RAPGEF5: variants seen among roughly 807,000 people sequenced by gnomAD.
RAPGEF5 encodes M-Ras-regulated GEF.
RAPGEF5 carries 65 observed loss-of-function variants against 125.2 expected under a neutral mutation model. That is an observed-to-expected ratio of 0.52 (90% CI 0.43 to 0.64). The LOEUF (loss-of-function observed/expected upper bound fraction) is 0.64, where lower values mean the gene tolerates loss of function less well. RAPGEF5 is among the 30% of genes least tolerant of loss of function. The pLI is 0.00. For missense variants in RAPGEF5, 958 were observed against 1,048.1 expected (o/e 0.91, Z 1.19); for synonymous variants, 391 against 385.9 (o/e 1.01, Z -0.16).
intron 1 of RAPGEF5, among the ~76,000 whole-genome samples, chr7:22,333,207 T>C (rs1783955711): frequency 6.6e-6 from 1 of 152,180 alleles, no homozygotes; most frequent in Admixed American, 6.5e-5. Flanking sequence ...AGTAGATAAA[T>C]ATTTAAGTAT....
intron 1 of RAPGEF5, among the ~76,000 whole-genome samples, chr7:22,353,802 G>A (rs1161391526): frequency 2.0e-5 from 3 of 152,110 alleles, no homozygotes; most frequent in African/African-American, 7.2e-5. Context: ...AGAAGTGACT[G>A]AACTGAGGAA....
chr7:22,151,532 G>A (rs1386808236), intron 17 of RAPGEF5, among the ~76,000 whole-genome samples: 5 of 147,630 alleles, frequency 3.4e-5, no homozygotes, highest in Non-Finnish European at 5.9e-5. Context: ...TGTGATCTCG[G>A]CTCACCGCAA....
chr7:22,356,032 G>A, intron 1 of RAPGEF5: 2 of 985,436 alleles, frequency 2.0e-6, no homozygotes, highest in Non-Finnish European at 2.4e-6. Context: ...TCAGCTCTGT[G>A]TCCTGAGGCC....
intron 1 of RAPGEF5, among the ~76,000 whole-genome samples, chr7:22,345,588 AAAGCATTATATAAAC>A (rs1784207812): frequency 6.6e-6 from 1 of 152,198 alleles, no homozygotes; most frequent in Non-Finnish European, 1.5e-5. Flanking sequence ...TTGTGAAGGT[AAAGCATTATATAAAC>A]CACGACAGAG....
intron 7 of RAPGEF5, among the ~76,000 whole-genome samples, chr7:22,264,608 G>C (rs1047890646): frequency 1.3e-5 from 2 of 151,916 alleles, no homozygotes; most frequent in African/African-American, 4.8e-5. Context: ...GCAGTCTCTC[G>C]AACCCATCTG....
intron 25 of RAPGEF5, among the ~76,000 whole-genome samples, 169 bp from the exon 26 acceptor site, chr7:22,122,690 A>G (rs1782617587): frequency 6.6e-6 from 1 of 152,236 alleles, no homozygotes; most frequent in Non-Finnish European, 1.5e-5. Context: ...TTTTCAGCTC[A>G]GAATGGATTC....
At chr7:22,238,777 C>A (rs989629824) in intron 7 of RAPGEF5, among the ~76,000 whole-genome samples, 1 of 152,130 alleles carries the variant, frequency 6.6e-6, no homozygotes, top group Non-Finnish European at 1.5e-5. Flanking sequence ...TTGGTCCTCT[C>A]CTTAATCAGA....
chr7:22,202,235 T>C (rs1785294577), intron 9 of RAPGEF5, among the ~76,000 whole-genome samples: 1 of 152,116 alleles, frequency 6.6e-6, no homozygotes, highest in South Asian at 2.1e-4. Flanking sequence ...GACGCAGAAA[T>C]GGAGCTTGAT....
Position 22,308,386 on chromosome 7 carries a change from TA to T in RAPGEF5, c.632del (p.Leu211TyrfsTer36). ...EEEWQNGVKL[L>X]LQLVPLIPAR... is the part of the protein sequence containing the mutation. ...CAGGAATGAGAGGCACAAGTTGCAG[TA>T]AAAGCTTGACACCATTTTGCCATTC... On this transcript the variant is annotated frameshift_variant, in exon 5 of 26. Coordinates refer to ENST00000665637, the MANE Select transcript of RAPGEF5 (RefSeq NM_012294.5). LOFTEE classifies it high-confidence loss of function. 6.3e-7 allele frequency: 1 copy of T among 1,588,920 alleles called. No individual in the cohort carries two copies. The highest frequency in any genetic ancestry group is 8.6e-7 in the Non-Finnish European group (1 of 1,166,224).
intron 14 of RAPGEF5, among the ~76,000 whole-genome samples, chr7:22,160,285 T>C (rs1280350126): frequency 6.6e-6 from 1 of 152,228 alleles, no homozygotes; most frequent in African/African-American, 2.4e-5. Flanking sequence ...GCCCAGGTTA[T>C]TTTTACTATA....
At chr7:22,140,988 G>T (rs1009088741) in intron 20 of RAPGEF5, among the ~76,000 whole-genome samples, 2 of 152,204 alleles carry the variant, frequency 1.3e-5, no homozygotes, top group African/African-American at 4.8e-5. Flanking sequence ...AGCAGAGCGT[G>T]TATCAGGGGC....
intron 5 of RAPGEF5, 126 bp downstream of exon 5, chr7:22,308,213 G>A (rs1369871377): frequency 5.2e-6 from 5 of 969,362 alleles, no homozygotes; most frequent in African/African-American, 1.7e-5. Context: ...ATGTGCATCT[G>A]AAAAATGGGG....
chr7:22,263,347 A>G (rs1484082166), intron 7 of RAPGEF5, among the ~76,000 whole-genome samples: 2 of 152,242 alleles, frequency 1.3e-5, no homozygotes, highest in Non-Finnish European at 2.9e-5. Context: ...GCAAATCTAA[A>G]GTTATCTCAA....
At chr7:22,199,421 C>G (rs1226167999) in intron 9 of RAPGEF5, among the ~76,000 whole-genome samples, 3 of 149,916 alleles carry the variant, frequency 2.0e-5, no homozygotes, top group African/African-American at 7.4e-5. Context: ...GGAGATGGGG[C>G]TCCCAGTATA....
rs1783730288 is a variant in RAPGEF5 at position 22,154,361 on chromosome 7, G to A, written c.1786+94C>T. On this transcript the variant is annotated intron_variant, in intron 17 of 25. Coordinates refer to ENST00000665637, the MANE Select transcript of RAPGEF5 (RefSeq NM_012294.5). ...GTCATCCAGCTGCGGGCCCAGAAGG[G>A]AGGAGCTGCACTTTTACTCTACAAA... 3 of 1,402,146 alleles carry A rather than the reference G, an allele frequency of 2.1e-6. No homozygotes were observed. The Admixed American group carries it at 6.8e-5, about 32-fold the overall frequency. The allele number at this position is 1,402,146 out of a possible 1,614,324, so 86.9% of individuals were successfully genotyped here.
chr7:22,229,340 A>G (rs1786001350), intron 8 of RAPGEF5, among the ~76,000 whole-genome samples: 1 of 152,184 alleles, frequency 6.6e-6, no homozygotes, highest in Non-Finnish European at 1.5e-5. Flanking sequence ...TATAGACCCA[A>G]AGTTTTCAGC....
At chr7:22,351,082 A>AAGTG (rs1446818575) in intron 1 of RAPGEF5, among the ~76,000 whole-genome samples, 1 of 152,224 alleles carries the variant, frequency 6.6e-6, no homozygotes, top group Non-Finnish European at 1.5e-5. Context: ...GACCTTGATC[A>AAGTG]AGTGAGCATG....
intron 7 of RAPGEF5, among the ~76,000 whole-genome samples, chr7:22,231,882 A>C (rs1786066957): frequency 6.6e-6 from 1 of 152,232 alleles, no homozygotes; most frequent in African/African-American, 2.4e-5. Context: ...ACCACGAAAG[A>C]ATTTTAAATT....
At position 22,214,533 on chromosome 7, in the gene RAPGEF5, A is replaced by G. The variant is rs139924393; in HGVS notation, c.996+5333T>C. On this transcript the variant is annotated intron_variant, in intron 9 of 25. Transcript: ENST00000665637. ...ATACAGGTTCAGTTTTCTGGTGAAT[A>G]GTGCAGCTATATTCCTGGAAATAGG... is the stretch of plus-strand genomic sequence containing the variant. 9.2e-5 allele frequency among the ~76,000 whole-genome samples: 14 copies of G among 152,366 alleles called. No individual in the cohort carries two copies. The East Asian group carries it at 2.7e-3, about 29-fold the overall frequency.
Sources: gnomAD v4.1 joint callset for allele counts (sites outside exome capture counted in the v4.1 genomes callset) on GRCh38, gnomAD v4.1.1 for gene constraint, MANE v1.5 for transcripts, NCBI Gene and HGNC (gene_info 2026-07-23, HGNC 2026-07-21) for gene names.